The following DNAAF1 variants were observed in gnomAD, a reference collection of about 807,000 sequenced individuals.
DNAAF1 encodes the protein dynein assembly factor 1, axonemal.
Under a neutral mutation model 71.1 loss-of-function variants are expected in DNAAF1, and 65 were observed. The ratio of observed to expected loss-of-function variants is 0.91; its 90% CI spans 0.75 to 1.12. DNAAF1 has a LOEUF of 1.12. Among genes scored for constraint, DNAAF1 ranks in the 50% most tolerant of loss-of-function variants. The pLI is 0.00. For synonymous variants in DNAAF1, 414 were observed against 354.6 expected (o/e 1.17, Z -1.88); for missense variants, 1,178 against 899.8 (o/e 1.31, Z -3.96).
chr16:84,160,703 G>A (rs572431244), intron 6 of DNAAF1, among the ~76,000 whole-genome samples: 1 of 151,864 alleles, frequency 6.6e-6, no homozygotes, highest in East Asian at 1.9e-4. Context: ...GGGAGGCCAA[G>A]GCGGGCGGAT....
chr16:84,159,121 G>A (rs572836665), intron 5 of DNAAF1: 14 of 991,640 alleles, frequency 1.4e-5, no homozygotes, highest in South Asian at 1.4e-4. Flanking sequence ...TCGGATTGCC[G>A]AGCCCCTTCC....
At chr16:84,169,657 G>C (rs1355109756) in intron 7 of DNAAF1, among the ~76,000 whole-genome samples, 1 of 151,240 alleles carries the variant, frequency 6.6e-6, no homozygotes, top group Non-Finnish European at 1.5e-5. Context: ...CTGGCCTCAA[G>C]TGATCCACCC....
intron 3 of DNAAF1, among the ~76,000 whole-genome samples, 190 bp downstream of exon 3, chr16:84,150,532 A>G (rs1193156817): frequency 1.3e-5 from 2 of 152,196 alleles, no homozygotes; most frequent in African/African-American, 4.8e-5. Flanking sequence ...ACCAGTTTAC[A>G]AAGGAGCCAC....
intron 7 of DNAAF1, among the ~76,000 whole-genome samples, chr16:84,166,219 G>A (rs986850893): frequency 6.6e-6 from 1 of 151,578 alleles, no homozygotes; most frequent in Non-Finnish European, 1.5e-5. Flanking sequence ...TGCCTGGCTA[G>A]TTTTTGTATT....
chr16:84,152,771 T>A (rs184963105), intron 3 of DNAAF1, among the ~76,000 whole-genome samples: 120 of 151,484 alleles, frequency 7.9e-4, no homozygotes, highest in African/African-American at 2.7e-3. Context: ...CTGGCCAACA[T>A]GGTAAAACCC....
rs573703002 is a variant in DNAAF1 at position 84,156,509 on chromosome 16, T to A, written c.741+760T>A. ...GCGTGTGATGCCTGCTTGCTTCTCC[T>A]TTTGTTGTTTTAAGATTCACTAGTG... On this transcript the variant is annotated intron_variant, in intron 5 of 11. Coordinates refer to ENST00000378553, the MANE Select transcript of DNAAF1 (RefSeq NM_178452.6). 3.0e-4 allele frequency among the ~76,000 whole-genome samples: 46 copies of A among 152,330 alleles called. 1 individual carries two copies. The highest frequency in any genetic ancestry group is 2.7e-3 in the Admixed American group (41 of 15,298).
At chr16:84,148,066 CA>C (rs141989827) in intron 1 of DNAAF1, among the ~76,000 whole-genome samples, 91 of 142,094 alleles carry the variant, frequency 6.4e-4, no homozygotes, top group Admixed American at 5.6e-4. Context: ...AGACGGTCTC[CA>C]AAAAAAAAAA....
chr16:84,168,908 T>A (rs2088171847), intron 7 of DNAAF1, among the ~76,000 whole-genome samples: 1 of 150,482 alleles, frequency 6.6e-6, no homozygotes, highest in Non-Finnish European at 1.5e-5. Flanking sequence ...TCACAGCCCT[T>A]AAACCCCCAG....
rs370199106 is a variant in DNAAF1, at chr16:84,157,629, T to A, written c.741+1880T>A. Among the ~76,000 whole-genome samples, 4 of 152,106 alleles carry A rather than the reference T, an allele frequency of 2.6e-5. No homozygotes were observed. The East Asian group carries it at 5.8e-4, about 22-fold the overall frequency. On this transcript the variant is annotated intron_variant, in intron 5 of 11. Transcript: ENST00000378553. The stretch of plus-strand genomic sequence containing the variant: ...GACAGCCTCCTTGCTTCTTAGTGTC[T>A]ATGTGTTGTCGTGTGTACTAGGAAA...
chr16:84,150,450 C>G, intron 3 of DNAAF1, 108 bp downstream of exon 3: 1 of 853,456 alleles, frequency 1.2e-6, no homozygotes, highest in Non-Finnish European at 2.0e-6. Context: ...TGTATCTAAG[C>G]AGGAAATTTC....
intron 7 of DNAAF1, 126 bp downstream of exon 7, chr16:84,166,075 T>G: frequency 7.5e-7 from 1 of 1,330,248 alleles, no homozygotes; most frequent in Non-Finnish European, 1.0e-6. Context: ...AGACAGAGTC[T>G]TGCTCTGTCA....
chr16:84,146,891 T>A (rs1409242322), intron 1 of DNAAF1, among the ~76,000 whole-genome samples: 3 of 152,250 alleles, frequency 2.0e-5, no homozygotes, highest in Non-Finnish European at 4.4e-5. Context: ...ATAAACCAGC[T>A]GATTTGTGTT....
intron 11 of DNAAF1, 164 bp downstream of exon 11, chr16:84,176,463 A>G (rs2088667078): frequency 8.7e-7 from 1 of 1,143,624 alleles, no homozygotes; most frequent in African/African-American, 1.5e-5. Context: ...TCCTGAGTTC[A>G]CGGGTCTGAA....
chr16:84,177,378 C>T, intron 11 of DNAAF1: 1 of 356,422 alleles, frequency 2.8e-6, no homozygotes, highest in Non-Finnish European at 5.5e-6. Context: ...TAGGTTCAAG[C>T]AATTCTCCTG....
At chr16:84,165,250 CT>C (rs1372152018) in intron 6 of DNAAF1, among the ~76,000 whole-genome samples, 3 of 152,074 alleles carry the variant, frequency 2.0e-5, no homozygotes, top group East Asian at 3.9e-4. Context: ...ATTGTGTCAT[CT>C]TTTTATTAAT....
intron 9 of DNAAF1, chr16:84,174,285 C>T: frequency 2.7e-6 from 3 of 1,100,318 alleles, no homozygotes; most frequent in South Asian, 2.6e-5. Flanking sequence ...TGGGGAGGTA[C>T]AAAATATATT....
In DNAAF1 at chr16:84,165,941, A is replaced by T. The variant is rs1363203874; in HGVS notation, c.1022A>T (p.Gln341Leu). Reference protein sequence around the residue: ...AEERKRQRESQERGEMTSSDD... With the variant: ...AEERKRQRESLERGEMTSSDD... Reference sequence around the variant, plus strand: ...GAGAGGAAAAGACAGAGAGAGAGTCAAGAGAGAGGTATGCGCTCGGCCGAA... The same window carrying T: ...GAGAGGAAAAGACAGAGAGAGAGTCTAGAGAGAGGTATGCGCTCGGCCGAA... The change falls in exon 7 of 12, where the codon CAA becomes CTA. Residue 341 changes from glutamine (Q) to leucine (L), a missense_variant. Gln to Leu is a moderately radical substitution (Grantham distance 113). Transcript: ENST00000378553. 4 of 1,613,334 alleles carry T rather than the reference A, an allele frequency of 2.5e-6. No individual in the cohort carries two copies. The highest frequency in any genetic ancestry group is 3.4e-6 in the Non-Finnish European group (4 of 1,179,886).
intron 3 of DNAAF1, among the ~76,000 whole-genome samples, chr16:84,151,390 A>T (rs1050222499): frequency 6.6e-6 from 1 of 152,116 alleles, no homozygotes; most frequent in Non-Finnish European, 1.5e-5. Context: ...AACGACTCCT[A>T]TGGGTCTCCT....
intron 11 of DNAAF1, 49 bp downstream of exon 11, chr16:84,176,348 G>T: frequency 3.1e-6 from 5 of 1,611,160 alleles, no homozygotes; most frequent in South Asian, 2.2e-5. Context: ...TGGCTCCCCG[G>T]CCTGGGATGG....
Sources: allele counts gnomAD v4.1 joint callset (sites outside exome capture counted in the v4.1 genomes callset), GRCh38; gene constraint gnomAD v4.1.1; transcripts MANE v1.5; gene names NCBI Gene and HGNC (gene_info 2026-07-23, HGNC 2026-07-21).